Variants in ROS1 observed in about 807,000 individuals in gnomAD.
ROS1 encodes the protein proto-oncogene tyrosine-protein kinase ROS.
A neutral mutation model predicts 273.5 loss-of-function variants in ROS1; 263 were observed. The observed-to-expected ratio is 0.96, with a 90% confidence interval of 0.87 to 1.06. ROS1 has a LOEUF of 1.06. Among genes scored for constraint, ROS1 ranks in the 50% least tolerant of loss-of-function variants. ROS1 has a pLI of 0.00. For missense variants in ROS1, 2,833 were observed against 2,751.1 expected (o/e 1.03, Z -0.67); for synonymous variants, 1,008 against 954.1 (o/e 1.06, Z -1.04).
At chr6:117,407,790 C>A (rs1182482729) in intron 5 of ROS1, among the ~76,000 whole-genome samples, 2 of 152,212 alleles carry the variant, frequency 1.3e-5, no homozygotes, top group Non-Finnish European at 2.9e-5. Context: ...AAGCTGGAGG[C>A]ATCACGCTAC....
chr6:117,397,099 A>C lies in ROS1; in HGVS notation c.622T>G (p.Leu208Val). The C allele has an allele frequency of 6.2e-7, 1 of 1,612,544 alleles. No homozygotes were observed. The highest frequency in any genetic ancestry group is 8.5e-7 in the Non-Finnish European group (1 of 1,178,634). Residue 208 changes from leucine to valine, a missense_variant, in exon 8 of 44, where the codon TTG becomes GTG. Transcript: ENST00000368507. ...CTTGAGCTCTCAATATTCCTAATCAAAGGTGCAGTTTCAGGAACTGGAAGA... is the reference window on the plus strand; with the variant it reads ...CTTGAGCTCTCAATATTCCTAATCACAGGTGCAGTTTCAGGAACTGGAAGA... ...HPHGVPETAP[L>V]IRNIESSSPD...
At chr6:117,309,008 C>T (rs2128546694) in intron 41 of ROS1, 80 bp from the exon 42 acceptor site, 3 of 1,414,762 alleles carry the variant, frequency 2.1e-6, no homozygotes, top group Non-Finnish European at 2.9e-6. Context: ...CAACATTTTT[C>T]CTGGGGCTAG....
intron 40 of ROS1, among the ~76,000 whole-genome samples, chr6:117,310,770 T>C (rs1270855111): frequency 6.6e-6 from 1 of 152,178 alleles, no homozygotes; most frequent in African/African-American, 2.4e-5. Context: ...TGCCACATTT[T>C]CTTTACCCAG....
intron 32 of ROS1, among the ~76,000 whole-genome samples, chr6:117,331,315 A>G (rs1777061728): frequency 6.6e-6 from 1 of 152,240 alleles, no homozygotes; most frequent in Admixed American, 6.5e-5. Context: ...AGGAATGAAT[A>G]AAGCCTCCAA....
At position 117,385,658 on chromosome 6, in the gene ROS1, T is replaced by C. The variant is rs767930570; in HGVS notation, c.2289+25A>G. 5.0e-6 allele frequency: 8 copies of C among 1,609,196 alleles called. No individual in the cohort carries two copies. The Admixed American group carries it at 5.0e-5, about 10-fold the overall frequency. On this transcript the variant is annotated intron_variant, in intron 16 of 43. Coordinates refer to ENST00000368507, the MANE Select transcript of ROS1 (RefSeq NM_001378902.1). ...AGTGGATAAGTATCATTCTAGAGCA[T>C]CCAGAATGCCATGCTTTAACTCACC...
chr6:117,389,261 C>T lies in ROS1; in HGVS notation c.1786+89G>A, dbSNP rs1772845312. On this transcript the variant is annotated intron_variant, in intron 13 of 43. Transcript: ENST00000368507. The stretch of plus-strand genomic sequence containing the variant: ...TTGATGACTGAATAGCCAAATGGGG[C>T]TCTCAAAATTGAATCACAACGCCAA... 5 of 1,429,986 alleles carry T rather than the reference C, an allele frequency of 3.5e-6. No homozygotes were observed. In the African/African-American group the frequency reaches 7.2e-5, roughly 20 times the overall value. 88.6% of individuals were successfully genotyped at this position (1,429,986 alleles called of 1,614,324 possible). A position where few individuals can be genotyped will look rare whatever the true frequency, so the allele number is the denominator to read the frequency against.
chr6:117,288,717 G>T lies in ROS1; in HGVS notation c.6801C>A (p.Asn2267Lys). Residue 2267 changes from asparagine (N) to lysine (K), a missense_variant, in exon 44 of 44, where the codon AAC (asparagine) becomes AAA (lysine). Asn to Lys is a moderately conservative substitution (Grantham distance 94). Transcript: ENST00000368507. The stretch of plus-strand genomic sequence containing the variant: ...CACATTCTGTAGCAAGTACCATATA[G>T]TTTAACCCTTCTCGGTTCTTCGTTT... Reference protein sequence around the residue: ...LMETKNREGLNYMVLATECGQ... With the variant: ...LMETKNREGLKYMVLATECGQ... The T allele has an allele frequency of 6.2e-7, 1 of 1,614,068 alleles. No homozygotes were observed. Among genetic ancestry groups the T allele is most frequent in the Non-Finnish European group, 8.5e-7 (1 of 1,179,980 alleles).
intron 43 of ROS1, among the ~76,000 whole-genome samples, chr6:117,294,314 C>T (rs1212537510): frequency 1.3e-5 from 2 of 152,040 alleles, no homozygotes; most frequent in East Asian, 3.9e-4. Context: ...CCAGAGCAAC[C>T]AGGCAGGGGA....
intron 32 of ROS1, among the ~76,000 whole-genome samples, chr6:117,335,543 T>G (rs1777399224): frequency 6.6e-6 from 1 of 152,200 alleles, no homozygotes; most frequent in Non-Finnish European, 1.5e-5. Flanking sequence ...TGCACATGTA[T>G]GTTTACTGCA....
At position 117,360,364 on chromosome 6, in the gene ROS1, G is replaced by A. The variant is rs140926672; in HGVS notation, c.3408C>T (p.Asp1136=). The change falls in exon 23 of 44, where the codon GAC becomes GAT. Residue 1136 remains aspartate, a synonymous_variant. Transcript: ENST00000368507. The part of the protein sequence containing the change: ...FTSKGPGPYA[D]VVKSTTSEIN... ...TACCTGATGTTGTAGACTTTACAAC[G>A]TCAGCATATGGTCCTGGCCCCTTAG... is the stretch of plus-strand genomic sequence containing the variant. The A allele has an allele frequency of 1.8e-5, 29 of 1,612,818 alleles. No individual in the cohort carries two copies. The highest frequency in any genetic ancestry group is 1.2e-4 in the South Asian group (11 of 91,016).
Position 117,385,740 on chromosome 6 carries a change from C to G in ROS1, c.2232G>C (p.Gly744=), listed in dbSNP as rs763686024. 6.2e-7 allele frequency: 1 copy of G among 1,614,008 alleles called. No individual in the cohort carries two copies. The highest frequency in any genetic ancestry group is 8.5e-7 in the Non-Finnish European group (1 of 1,180,038). ...GACCCAGCCACTCAAAAGCTAAAGC[C>G]CCTGCTCCTGCAATGCTGGGTAGGT... ...NYHLPSIAGA[G]ALAFEWLGHF... is the part of the protein sequence containing the mutation. The change falls in exon 16 of 44, where the codon GGG becomes GGC. Residue 744 remains glycine, a synonymous_variant. Coordinates refer to ENST00000368507, the MANE Select transcript of ROS1 (RefSeq NM_001378902.1).
chr6:117,304,209 C>T (rs546741519), intron 42 of ROS1, among the ~76,000 whole-genome samples: 1 of 152,162 alleles, frequency 6.6e-6, no homozygotes, highest in East Asian at 1.9e-4. Flanking sequence ...ATAACCTGTG[C>T]CATTTAGAAA....
chr6:117,292,246 A>T (rs1773894771), intron 43 of ROS1, among the ~76,000 whole-genome samples: 1 of 152,146 alleles, frequency 6.6e-6, no homozygotes, highest in African/African-American at 2.4e-5. Context: ...CTGGGATTAC[A>T]GGTATGAGCC....
At chr6:117,307,208 G>A (rs1775172008) in intron 42 of ROS1, among the ~76,000 whole-genome samples, 1 of 151,916 alleles carries the variant, frequency 6.6e-6, no homozygotes, top group African/African-American at 2.4e-5. Flanking sequence ...TAACCCCCCT[G>A]CCCCAAACAA....
chr6:117,344,164 T>C lies in ROS1; in HGVS notation c.4402A>G (p.Asn1468Asp), dbSNP rs1308794945. The change falls in exon 28 of 44, where the codon AAC (asparagine) becomes GAC (aspartate). Residue 1468 changes from asparagine to aspartate, a missense_variant. Physicochemically the swap from Asn to Asp is conservative, Grantham distance 23. Transcript: ENST00000368507. The part of the protein sequence containing the change: ...LTIRLPLAKT[N>D]LTWYGITSPT... ...CTGGTGATGCCATACCATGTGAGGT[T>C]TGTCTTGGCCAGAGGTAATCTGATT... 6.2e-7 allele frequency: 1 copy of C among 1,613,882 alleles called. No homozygotes were observed. Among genetic ancestry groups the C allele is most frequent in the African/African-American group, 1.3e-5 (1 of 74,918 alleles).
In ROS1 at chr6:117,291,015, G is replaced by A. The variant is rs1224013912; in HGVS notation, c.6716-2213C>T. ...ATTAAGTTTAGGTTTGCCTTGAAAG[G>A]TCTGTTGCACTATTTCTATCCTTTG... is the stretch of plus-strand genomic sequence containing the variant. On this transcript the variant is annotated intron_variant, in intron 43 of 43. Coordinates refer to ENST00000368507, the MANE Select transcript of ROS1 (RefSeq NM_001378902.1). Among the ~76,000 whole-genome samples, 6 of 152,088 alleles carry A rather than the reference G, an allele frequency of 3.9e-5. No individual in the cohort carries two copies. In the East Asian group the frequency reaches 1.2e-3, roughly 29 times the overall value.
intron 27 of ROS1, among the ~76,000 whole-genome samples, chr6:117,349,103 G>A (rs1778602419): frequency 6.6e-6 from 1 of 151,870 alleles, no homozygotes; most frequent in Non-Finnish European, 1.5e-5. Flanking sequence ...TTAATTGATG[G>A]TGTTATTGAG....
At position 117,385,779 on chromosome 6, in the gene ROS1, G is replaced by GAT. The variant is rs1253030365; in HGVS notation, c.2191_2192dup (p.Glu733GlnfsTer15). The GAT allele has an allele frequency of 4.3e-6, 7 of 1,614,152 alleles. No homozygotes were observed. The highest frequency in any genetic ancestry group is 5.9e-6 in the Non-Finnish European group (7 of 1,180,032). On this transcript the variant is annotated frameshift_variant, in exon 16 of 44. Transcript: ENST00000368507. LOFTEE classifies it high-confidence loss of function. ...TGCTGGGTAGGTGATAATTCTCTGA[G>GAT]ATATCCGTCCCATTCAGCAGCCACA...
intron 3 of ROS1, among the ~76,000 whole-genome samples, chr6:117,414,890 C>T (rs905570195): frequency 3.9e-5 from 6 of 152,194 alleles, no homozygotes; most frequent in Non-Finnish European, 2.9e-5. Context: ...TGAAAACCAC[C>T]AATAGCTCTT....
Sources: gnomAD v4.1 joint callset for allele counts (sites outside exome capture counted in the v4.1 genomes callset) on GRCh38, gnomAD v4.1.1 for gene constraint, MANE v1.5 for transcripts, NCBI Gene and HGNC (gene_info 2026-07-23, HGNC 2026-07-21) for gene names.